The following RANBP2 variants were observed in gnomAD, a reference collection of about 807,000 sequenced individuals.
RANBP2 encodes the protein RAN binding protein 2, also known as E3 SUMO-protein ligase RanBP2.
In RANBP2, 57 loss-of-function variants were observed where a neutral mutation model predicts 303.6. The ratio of observed to expected loss-of-function variants is 0.19; its 90% CI spans 0.15 to 0.23. The LOEUF (loss-of-function observed/expected upper bound fraction) is 0.23. RANBP2 is among the 10% of genes least tolerant of loss of function. RANBP2 has a pLI of 1.00. For missense variants in RANBP2, 3,138 were observed against 3,780.8 expected (o/e 0.83, Z 4.46); for synonymous variants, 1,167 against 1,301.5 (o/e 0.90, Z 2.23).
chr2:109,250,177 A>G, the RANBP2 span, among the ~76,000 whole-genome samples: 1 of 148,686 alleles, frequency 6.7e-6, no homozygotes, highest in African/African-American at 2.5e-5. Context: ...CTCCACTCCT[A>G]GGAATGTTCC....
the RANBP2 span, among the ~76,000 whole-genome samples, chr2:109,405,858 C>G: frequency 6.6e-6 from 1 of 152,232 alleles, no homozygotes; most frequent in Non-Finnish European, 1.5e-5. Flanking sequence ...TGCCACTGGC[C>G]CACAGGTGGG....
At chr2:109,308,688 C>A in the RANBP2 span, among the ~76,000 whole-genome samples, 1 of 44,086 alleles carries the variant, frequency 2.3e-5, no homozygotes, top group Non-Finnish European at 3.4e-5. Context: ...GGAATCCTTT[C>A]CCCATTGCTT....
At chr2:109,222,007 A>G in the RANBP2 span, among the ~76,000 whole-genome samples, 5 of 152,096 alleles carry the variant, frequency 3.3e-5, no homozygotes, top group African/African-American at 1.2e-4. Context: ...AGGGGATACT[A>G]TTCAGCCTTT....
the RANBP2 span, among the ~76,000 whole-genome samples, chr2:109,707,963 G>A: frequency 5.3e-5 from 8 of 152,238 alleles, no homozygotes; most frequent in East Asian, 1.5e-3. Context: ...TGGACCACAG[G>A]TGCCAGCACC....
the RANBP2 span, chr2:109,129,146 C>G: frequency 5.0e-6 from 2 of 398,176 alleles, no homozygotes; most frequent in Non-Finnish European, 9.7e-6. Context: ...GGGGACCTGG[C>G]CGGCCGCTGC....
chr2:109,727,280 A>C, the RANBP2 span, among the ~76,000 whole-genome samples: 1 of 152,214 alleles, frequency 6.6e-6, no homozygotes, highest in Non-Finnish European at 1.5e-5. Context: ...CTTGATAAAC[A>C]CCAGAGATAC....
chr2:109,294,581 A>G, the RANBP2 span, among the ~76,000 whole-genome samples: 32 of 112,586 alleles, frequency 2.8e-4, 1 homozygote, highest in Middle Eastern at 4.4e-3. Context: ...AATTAATTAA[A>G]AAAAAGGTAA....
the RANBP2 span, among the ~76,000 whole-genome samples, chr2:109,481,596 C>T: frequency 6.6e-6 from 1 of 152,116 alleles, no homozygotes; most frequent in African/African-American, 2.4e-5. Flanking sequence ...AATAGCTAAA[C>T]GTGCGCTTCA....
the RANBP2 span, among the ~76,000 whole-genome samples, chr2:109,583,611 C>T: frequency 6.6e-6 from 1 of 152,162 alleles, no homozygotes; most frequent in South Asian, 2.1e-4. Flanking sequence ...CCAGAACTAC[C>T]ATTCGACCCA....
the RANBP2 span, among the ~76,000 whole-genome samples, chr2:109,025,612 C>G: frequency 6.6e-6 from 1 of 152,020 alleles, no homozygotes; most frequent in African/African-American, 2.4e-5. Flanking sequence ...TCAAGAGCAT[C>G]CTGGCTAACA....
At chr2:108,752,671 T>C (rs1400017491) in intron 12 of RANBP2, among the ~76,000 whole-genome samples, 1 of 147,890 alleles carries the variant, frequency 6.8e-6, no homozygotes, top group East Asian at 2.0e-4. Context: ...CAGGCATCTG[T>C]AGTCCCAGCT....
the RANBP2 span, among the ~76,000 whole-genome samples, chr2:109,022,389 G>C: frequency 1.3e-5 from 2 of 152,270 alleles, no homozygotes; most frequent in African/African-American, 4.8e-5. Context: ...TATGTGGACA[G>C]CGTCGCTCAT....
At chr2:109,614,145 G>A in the RANBP2 span, 2 of 1,200,628 alleles carry the variant, frequency 1.7e-6, no homozygotes, top group Non-Finnish European at 2.1e-6. Flanking sequence ...CAGGAAGACG[G>A]CGCGAGGAAT....
the RANBP2 span, among the ~76,000 whole-genome samples, chr2:109,699,438 GACCAAAAGCCTT>G: frequency 6.6e-6 from 1 of 152,152 alleles, no homozygotes; most frequent in African/African-American, 2.4e-5. Context: ...GCCTGTTATT[GACCAAAAGCCTT>G]ACCAATGACC....
the RANBP2 span, among the ~76,000 whole-genome samples, chr2:109,598,454 T>G: frequency 1.3e-5 from 2 of 152,206 alleles, no homozygotes; most frequent in Admixed American, 6.5e-5. Flanking sequence ...GTTTTTAAAC[T>G]GTCCCTTGGG....
chr2:109,565,825 T>A, the RANBP2 span: 1 of 1,614,064 alleles, frequency 6.2e-7, no homozygotes, highest in Non-Finnish European at 8.5e-7. Flanking sequence ...TTTTACCTCA[T>A]CCATACTTCC....
the RANBP2 span, among the ~76,000 whole-genome samples, chr2:109,004,453 G>A: frequency 1.3e-5 from 2 of 152,218 alleles, no homozygotes; most frequent in African/African-American, 4.8e-5. Flanking sequence ...CTGGGATGGG[G>A]CCCAGCAAGT....
chr2:109,325,340 T>C, the RANBP2 span, among the ~76,000 whole-genome samples: 427 of 130,884 alleles, frequency 3.3e-3, no homozygotes, highest in African/African-American at 0.012. Context: ...TCTTTTTTTT[T>C]TTTTTTTTTT....
At chr2:109,710,470 T>C in the RANBP2 span, among the ~76,000 whole-genome samples, 1 of 151,970 alleles carries the variant, frequency 6.6e-6, no homozygotes, top group African/African-American at 2.4e-5. Context: ...TGTGAAATTG[T>C]GGCTTTAAAA....
Sources: allele counts gnomAD v4.1 joint callset (sites outside exome capture counted in the v4.1 genomes callset), GRCh38; gene constraint gnomAD v4.1.1; transcripts MANE v1.5; gene names NCBI Gene and HGNC (gene_info 2026-07-23, HGNC 2026-07-21).